Variants in KLK3 observed in about 807,000 individuals in gnomAD.
KLK3 encodes kallikrein related peptidase 3, also known as prostate-specific antigen.
In KLK3, 23 loss-of-function variants were observed where a neutral mutation model predicts 27.7. The observed-to-expected ratio is 0.83, with a 90% confidence interval of 0.60 to 1.17. The LOEUF (loss-of-function observed/expected upper bound fraction) is 1.17. Among genes scored for constraint, KLK3 ranks in the 50% most tolerant of loss-of-function variants. The pLI, the probability that KLK3 is intolerant of heterozygous loss-of-function variation, is 0.00. For synonymous variants in KLK3, 142 were observed against 134.2 expected (o/e 1.06, Z -0.40); for missense variants, 322 against 338.1 (o/e 0.95, Z 0.37).
rs1336910940 is a variant in KLK3 at position 50,854,976 on chromosome 19, C to G, written c.21C>G (p.Phe7Leu). ...TCACCATGTGGGTCCCGGTTGTCTT[C>G]CTCACCCTGTCCGTGACGTGGATTG... MWVPVV[F>L]LTLSVTWIGA... Residue 7 changes from phenylalanine to leucine, a missense_variant, in exon 1 of 5, where the codon TTC (phenylalanine) becomes TTG (leucine). By Grantham distance (22) the Phe-to-Leu change is conservative. Coordinates refer to ENST00000326003, the MANE Select transcript of KLK3 (RefSeq NM_001648.2). 5.0e-6 allele frequency: 8 copies of G among 1,613,788 alleles called. No individual in the cohort carries two copies. The highest frequency in any genetic ancestry group is 4.4e-5 in the South Asian group (4 of 91,086).
chr19:50,855,151 C>T, intron 1 of KLK3, 150 bp downstream of exon 1: 1 of 701,264 alleles, frequency 1.4e-6, no homozygotes, highest in South Asian at 1.7e-5. Context: ...AGCCCATACC[C>T]CCAGCCCCTC....
At chr19:50,859,700 A>G (rs2090172584) in intron 4 of KLK3, 1 of 1,581,694 alleles carries the variant, frequency 6.3e-7, no homozygotes, top group East Asian at 2.3e-5. Flanking sequence ...TGTCCCACCG[A>G]CCTGTCTACA....
At position 50,858,194 on chromosome 19, in the gene KLK3, C is replaced by T. The variant is rs1205965593; in HGVS notation, c.372C>T (p.Leu124=). The T allele has an allele frequency of 5.6e-6, 9 of 1,614,148 alleles. No homozygotes were observed. The highest frequency in any genetic ancestry group is 1.3e-5 in the African/African-American group (1 of 74,942). Reference sequence around the variant, plus strand: ...ACTCCAGCCACGACCTCATGCTGCTCCGCCTGTCAGAGCCTGCCGAGCTCA... The same window carrying T: ...ACTCCAGCCACGACCTCATGCTGCTTCGCCTGTCAGAGCCTGCCGAGCTCA... ...GDDSSHDLML[L]RLSEPAELTD... The change falls in exon 3 of 5, where the codon CTC becomes CTT. Residue 124 remains leucine (L), a synonymous_variant. Transcript: ENST00000326003.
At position 50,860,197 on chromosome 19, in the gene KLK3, C is replaced by A. The variant is rs2090176757; in HGVS notation, c.*70C>A. ...AATGACCAGGCCAAGACTCAAGCCT[C>A]CCCAGTTCTACTGACCTTTGTCCTT... On this transcript the variant is annotated 3_prime_UTR_variant, in exon 5 of 5. Coordinates refer to ENST00000326003, the MANE Select transcript of KLK3 (RefSeq NM_001648.2). The A allele has an allele frequency of 1.7e-6, 2 of 1,201,408 alleles. No individual in the cohort carries two copies. The highest frequency in any genetic ancestry group is 3.8e-5 in the Admixed American group (2 of 52,572). 74.4% of individuals were successfully genotyped at this position (1,201,408 alleles called of 1,614,324 possible).
At chr19:50,856,576 G>A in intron 2 of KLK3, 177 bp downstream of exon 2, 1 of 627,416 alleles carries the variant, frequency 1.6e-6, no homozygotes, top group East Asian at 3.0e-5. Flanking sequence ...CCCCATGGCT[G>A]CCTGGGTCTC....
At chr19:50,856,532 A>G in intron 2 of KLK3, 133 bp downstream of exon 2, 1 of 1,153,146 alleles carries the variant, frequency 8.7e-7, no homozygotes, top group Non-Finnish European at 1.2e-6. Context: ...GGTTCAGGTC[A>G]CATGGGGAGG....
chr19:50,855,858 G>C (rs266878), intron 1 of KLK3: 145,135 of 171,304 alleles, frequency 0.85, 62,021 homozygotes, highest in African/African-American at 0.89. Context: ...TCCTAGCACC[G>C]CTTATCCCCT....
At chr19:50,856,905 G>A (rs963964987) in intron 2 of KLK3, among the ~76,000 whole-genome samples, 1 of 152,084 alleles carries the variant, frequency 6.6e-6, no homozygotes, top group Admixed American at 6.5e-5. Context: ...GCTCACACCT[G>A]TAATCCCAGC....
intron 1 of KLK3, 43 bp from the exon 2 acceptor site, chr19:50,856,196 CT>C (rs769457028): frequency 1.3e-6 from 2 of 1,564,394 alleles, no homozygotes; most frequent in Admixed American, 1.7e-5. Flanking sequence ...CCCCCAGTTC[CT>C]CCTGTCAACC....
In KLK3 at chr19:50,860,044, G is replaced by A. The variant is rs1313860800; in HGVS notation, c.703G>A (p.Ala235Thr). The A allele has an allele frequency of 1.2e-6, 2 of 1,614,030 alleles. No homozygotes were observed. The highest frequency in any genetic ancestry group is 1.3e-5 in the African/African-American group (1 of 74,930). Residue 235 changes from alanine (A) to threonine (T), a missense_variant, in exon 5 of 5, where the codon GCC becomes ACC. Physicochemically the swap from Ala to Thr is moderately conservative, Grantham distance 58. Transcript: ENST00000326003. Reference protein sequence around the residue: ...GITSWGSEPCALPERPSLYTK... With the variant: ...GITSWGSEPCTLPERPSLYTK... ...CACGTCATGGGGCAGTGAACCATGTGCCCTGCCCGAAAGGCCTTCCCTGTA... is the reference window on the plus strand; with the variant it reads ...CACGTCATGGGGCAGTGAACCATGTACCCTGCCCGAAAGGCCTTCCCTGTA...
At chr19:50,855,136 C>T (rs536431842) in intron 1 of KLK3, 135 bp downstream of exon 1, 126 of 839,210 alleles carry the variant, frequency 1.5e-4, no homozygotes, top group Non-Finnish European at 2.3e-4. Flanking sequence ...CCCAGCCCCA[C>T]TCCAAGCCCA....
In KLK3 at chr19:50,856,303, C is replaced by A. The variant is rs773350836; in HGVS notation, c.110C>A (p.Pro37His). 2.5e-6 allele frequency: 4 copies of A among 1,613,518 alleles called. No individual in the cohort carries two copies. Among genetic ancestry groups the A allele is most frequent in the Non-Finnish European group, 3.4e-6 (4 of 1,180,022 alleles). Residue 37 changes from proline to histidine, a missense_variant, in exon 2 of 5, where the codon CCC (proline) becomes CAC (histidine). Pro to His is a moderately conservative substitution (Grantham distance 77). Transcript: ENST00000326003. ...TGGGAGTGCGAGAAGCATTCCCAAC[C>A]CTGGCAGGTGCTTGTGGCCTCTCGT... ...GGWECEKHSQ[P>H]WQVLVASRGR...
rs1345414275 is a variant in KLK3, at chr19:50,859,441, T to C, written c.631-531T>C. ...GCTGACCTGGGGGTGGCTCCAGGCATTGTCCCCACCTGGGCCCTTACCCAG... is the reference window on the plus strand; with the variant it reads ...GCTGACCTGGGGGTGGCTCCAGGCACTGTCCCCACCTGGGCCCTTACCCAG... On this transcript the variant is annotated intron_variant, in intron 4 of 4. Transcript: ENST00000326003. 10 of 1,034,860 alleles carry C rather than the reference T, an allele frequency of 9.7e-6. No homozygotes were observed. The South Asian group carries it at 1.3e-4, about 14-fold the overall frequency. The allele number at this position is 1,034,860 out of a possible 1,614,324, so 64.1% of individuals were successfully genotyped here.
intron 1 of KLK3, 64 bp downstream of exon 1, chr19:50,855,065 C>A: frequency 1.3e-6 from 2 of 1,561,178 alleles, no homozygotes; most frequent in South Asian, 1.1e-5. Flanking sequence ...CAAGCTGAGG[C>A]TCTTTCCCCC....
chr19:50,856,618 C>T, intron 2 of KLK3: 1 of 530,262 alleles, frequency 1.9e-6, no homozygotes, highest in Non-Finnish European at 3.3e-6. Flanking sequence ...CTTTGTGTCG[C>T]TTTCATTATG....
Position 50,858,574 on chromosome 19 carries a change from A to T in KLK3, c.609A>T (p.Thr203=). ...TKFMLCAGRW[T]GGKSTCSGDS... is the part of the protein sequence containing the mutation. ...TCATGCTGTGTGCTGGACGCTGGACAGGGGGCAAAAGCACCTGCTCGGTGA... is the reference window on the plus strand; with the variant it reads ...TCATGCTGTGTGCTGGACGCTGGACTGGGGGCAAAAGCACCTGCTCGGTGA... The change falls in exon 4 of 5, where the codon ACA becomes ACT. Residue 203 remains threonine (T), a synonymous_variant. Coordinates refer to ENST00000326003, the MANE Select transcript of KLK3 (RefSeq NM_001648.2). The T allele has an allele frequency of 6.2e-7, 1 of 1,614,188 alleles. No individual in the cohort carries two copies. Among genetic ancestry groups the T allele is most frequent in the East Asian group, 2.2e-5 (1 of 44,880 alleles).
intron 1 of KLK3, 102 bp from the exon 2 acceptor site, chr19:50,856,138 C>T (rs1003943298): frequency 9.8e-7 from 1 of 1,015,720 alleles, no homozygotes; most frequent in South Asian, 1.5e-5. Flanking sequence ...GGTTCTCTGC[C>T]CCCGTGTCTT....
chr19:50,857,113 A>T (rs979510992), intron 2 of KLK3, among the ~76,000 whole-genome samples: 2 of 139,854 alleles, frequency 1.4e-5, no homozygotes, highest in Non-Finnish European at 3.1e-5. Flanking sequence ...CAGTGAGCCG[A>T]GACCGTGCCA....
intron 3 of KLK3, 33 bp downstream of exon 3, chr19:50,858,348 C>T: frequency 6.2e-7 from 1 of 1,604,706 alleles, no homozygotes; most frequent in African/African-American, 1.3e-5. Flanking sequence ...AGCCGGGAGC[C>T]CAGATGCCTG....
Sources: gnomAD v4.1 joint callset for allele counts (sites outside exome capture counted in the v4.1 genomes callset) on GRCh38, gnomAD v4.1.1 for gene constraint, MANE v1.5 for transcripts, NCBI Gene and HGNC (gene_info 2026-07-23, HGNC 2026-07-21) for gene names.